SPATS2L: variants seen among roughly 807,000 people sequenced by gnomAD.
SPATS2L encodes the protein spermatogenesis associated serine rich 2 like, also known as SPATS2-like protein.
In SPATS2L, 30 loss-of-function variants were observed where a neutral mutation model predicts 59.6. That is an observed-to-expected ratio of 0.50 (90% CI 0.38 to 0.68). SPATS2L has a LOEUF of 0.68. Among genes scored for constraint, SPATS2L ranks in the 30% least tolerant of loss-of-function variants. The probability of loss-of-function intolerance (pLI) is 0.00; values close to 1 mark genes in which losing one functional copy is unlikely to be tolerated. For missense variants in SPATS2L, 615 were observed against 700.0 expected, an observed-to-expected ratio of 0.88 and a Z score of 1.37; for synonymous variants, 252 against 263.5, an observed-to-expected ratio of 0.96 and a Z score of 0.42.
chr2:200,412,739 C>G (rs1379487418), intron 4 of SPATS2L, among the ~76,000 whole-genome samples: 1 of 152,094 alleles, frequency 6.6e-6, no homozygotes, highest in African/African-American at 2.4e-5. Flanking sequence ...TCCTTGCCTA[C>G]CAGTCATTCC....
chr2:200,398,351 A>T (rs2082419299), intron 3 of SPATS2L, among the ~76,000 whole-genome samples: 1 of 152,212 alleles, frequency 6.6e-6, no homozygotes, highest in Admixed American at 6.5e-5. Flanking sequence ...TGAGATTTTT[A>T]TGTTTATTGA....
In SPATS2L at chr2:200,384,008, G is replaced by A. The variant is rs777348650; in HGVS notation, c.-22-5215G>A. The A allele has an allele frequency of 7.0e-6, 7 of 1,001,834 alleles. No individual in the cohort carries two copies. The East Asian group carries it at 4.5e-4, about 65-fold the overall frequency. 62.1% of individuals were successfully genotyped at this position (1,001,834 alleles called of 1,614,324 possible). Reference sequence around the variant, plus strand: ...AAAGGAGACAAGCAAGTCAGAAAGCGATTTGATAGGTCAGTACATTGATAG... The same window carrying A: ...AAAGGAGACAAGCAAGTCAGAAAGCAATTTGATAGGTCAGTACATTGATAG... On this transcript the variant is annotated intron_variant, in intron 2 of 12. Transcript: ENST00000409140.
upstream of SPATS2L, chr2:200,306,200 T>C: frequency 1.0e-6 from 1 of 1,001,812 alleles, no homozygotes; most frequent in Non-Finnish European, 1.2e-6. Flanking sequence ...CATTTTGAGC[T>C]TGGATCCTCT....
At chr2:200,463,110 CAG>C (rs2086358076) in intron 9 of SPATS2L, 6 of 152,112 alleles carry the variant, frequency 3.9e-5, no homozygotes, top group Admixed American at 3.9e-4. Flanking sequence ...AAATGGAAGT[CAG>C]GGGTTCTATT....
chr2:200,363,864 G>A (rs2081186190), intron 2 of SPATS2L, among the ~76,000 whole-genome samples: 1 of 152,192 alleles, frequency 6.6e-6, no homozygotes, highest in Admixed American at 6.5e-5. Context: ...ACCAGAGGAA[G>A]GAAAACTGGG....
intron 2 of SPATS2L, among the ~76,000 whole-genome samples, chr2:200,348,710 A>G (rs2080605230): frequency 6.6e-6 from 1 of 152,128 alleles, no homozygotes; most frequent in Admixed American, 6.5e-5. Flanking sequence ...CCTCCTTTGT[A>G]GGATAGGCAC....
At chr2:200,307,663 G>A (rs1032904817) in intron 1 of SPATS2L, among the ~76,000 whole-genome samples, 1 of 152,238 alleles carries the variant, frequency 6.6e-6, no homozygotes, top group African/African-American at 2.4e-5. Flanking sequence ...GGCGCACTCT[G>A]AATATCATGC....
At chr2:200,313,291 G>C (rs935810235) in intron 1 of SPATS2L, among the ~76,000 whole-genome samples, 1 of 152,234 alleles carries the variant, frequency 6.6e-6, no homozygotes, top group African/African-American at 2.4e-5. Context: ...CAAGACCACA[G>C]ATCTGGAGCT....
upstream of SPATS2L, chr2:200,306,633 C>T (rs1189621427): frequency 7.6e-6 from 7 of 919,726 alleles, no homozygotes; most frequent in Middle Eastern, 5.3e-4. Context: ...GCGGGCGGGT[C>T]GGCGGGCGGG....
intron 2 of SPATS2L, among the ~76,000 whole-genome samples, chr2:200,379,067 C>G (rs1489710640): frequency 1.3e-5 from 2 of 152,152 alleles, no homozygotes; most frequent in Non-Finnish European, 2.9e-5. Flanking sequence ...AGCTGAATTC[C>G]AACTCTAATT....
At chr2:200,396,622 A>C (rs2082363813) in intron 3 of SPATS2L, among the ~76,000 whole-genome samples, 1 of 152,220 alleles carries the variant, frequency 6.6e-6, no homozygotes, top group Non-Finnish European at 1.5e-5. Context: ...ATTTGATTAG[A>C]GAGAGTACAG....
At position 200,394,771 on chromosome 2, in the gene SPATS2L, A is replaced by T. The variant is rs532864573; in HGVS notation, c.39+5488A>T. ...AAGCATATTTTAAATTGCTTCTAAA[A>T]ACAGAAACTTGGGTTACTTACGTTG... On this transcript the variant is annotated intron_variant, in intron 3 of 12. Transcript: ENST00000409140. 1.4e-4 allele frequency among the ~76,000 whole-genome samples: 22 copies of T among 152,338 alleles called. 1 individual carries two copies. In the South Asian group the frequency reaches 4.6e-3, roughly 32 times the overall value.
chr2:200,332,802 G>C (rs1028838606), intron 2 of SPATS2L, among the ~76,000 whole-genome samples: 22 of 147,822 alleles, frequency 1.5e-4, no homozygotes, highest in African/African-American at 5.5e-4. Flanking sequence ...GTGTATGTAT[G>C]TATCTATGTA....
chr2:200,411,475 A>G (rs2082876282), intron 3 of SPATS2L, among the ~76,000 whole-genome samples: 1 of 109,318 alleles, frequency 9.1e-6, no homozygotes, highest in Admixed American at 9.5e-5. Flanking sequence ...ACCATGCAGT[A>G]CTCTAGTATT....
rs568060669 is a variant in SPATS2L at position 200,420,237 on chromosome 2, A to C, written c.445+741A>C. On this transcript the variant is annotated intron_variant, in intron 6 of 12. Coordinates refer to ENST00000409140, the MANE Select transcript of SPATS2L (RefSeq NM_001100423.2). The stretch of plus-strand genomic sequence containing the variant: ...AGGAAACTGCATTGGAATCTACTAG[A>C]TCAGTGCTTCTCAATACTATCTGAC... Among the ~76,000 whole-genome samples, 423 of 151,338 alleles carry C rather than the reference A, an allele frequency of 2.8e-3. 2 individuals carry two copies. The highest frequency in any genetic ancestry group is 9.6e-3 in the African/African-American group (392 of 40,624).
rs17447905 is a variant in SPATS2L, at chr2:200,480,072, G to C, written c.*2041G>C. Reference sequence around the variant, plus strand: ...ATGTAGCAAGATTTTGCTCACCACTGAAAAATGTCAGTGTAAATGTGACCG... The same window carrying C: ...ATGTAGCAAGATTTTGCTCACCACTCAAAAATGTCAGTGTAAATGTGACCG... On this transcript the variant is annotated 3_prime_UTR_variant, in exon 13 of 13. Coordinates refer to ENST00000409140, the MANE Select transcript of SPATS2L (RefSeq NM_001100423.2). 5,946 of 229,810 alleles carry C rather than the reference G, an allele frequency of 0.026. 103 individuals are homozygous for C. Among genetic ancestry groups the C allele is most frequent in the Non-Finnish European group, 0.038 (4,508 of 119,000 alleles). The allele number at this position is 229,810 out of a possible 1,614,324, so 14.2% of individuals were successfully genotyped here.
chr2:200,472,394 G>C (rs187422367), intron 11 of SPATS2L, among the ~76,000 whole-genome samples: 22 of 152,298 alleles, frequency 1.4e-4, no homozygotes, highest in Non-Finnish European at 3.1e-4. Flanking sequence ...CAATCTTTCT[G>C]TGTCTGCAGT....
At chr2:200,439,374 T>TA in intron 7 of SPATS2L, 46 bp downstream of exon 7, 1 of 1,503,852 alleles carries the variant, frequency 6.6e-7, no homozygotes, top group South Asian at 1.2e-5. Context: ...ATTTTGCACA[T>TA]ACAGAAAAGT....
rs1318582190 is a variant in SPATS2L at position 200,459,883 on chromosome 2, A to G, written c.847+56A>G. The G allele has an allele frequency of 1.1e-5, 15 of 1,324,974 alleles. No individual in the cohort carries two copies. The East Asian group carries it at 2.3e-4, about 21-fold the overall frequency. 82.1% of individuals were successfully genotyped at this position (1,324,974 alleles called of 1,614,324 possible). Reference sequence around the variant, plus strand: ...GGAGCTTCCCAATCAGAAGCAATCCATAGGTCAGACTGACAATGATACCGG... The same window carrying G: ...GGAGCTTCCCAATCAGAAGCAATCCGTAGGTCAGACTGACAATGATACCGG... On this transcript the variant is annotated intron_variant, in intron 9 of 12. Transcript: ENST00000409140.
Sources: allele counts gnomAD v4.1 joint callset (sites outside exome capture counted in the v4.1 genomes callset), GRCh38; gene constraint gnomAD v4.1.1; transcripts MANE v1.5; gene names NCBI Gene and HGNC (gene_info 2026-07-23, HGNC 2026-07-21).